The following CALN1 variants were observed in gnomAD, a reference collection of about 807,000 sequenced individuals.
CALN1 encodes calcium-binding protein 8.
A neutral mutation model predicts 30.6 loss-of-function variants in CALN1; 17 were observed. That is an observed-to-expected ratio of 0.56 (90% CI 0.38 to 0.83). The LOEUF (loss-of-function observed/expected upper bound fraction) is 0.83. Among genes scored for constraint, CALN1 ranks in the 40% least tolerant of loss-of-function variants. The pLI is 0.00. For synonymous variants in CALN1, 156 were observed against 131.4 expected (o/e 1.19, Z -1.28); for missense variants, 291 against 354.9 (o/e 0.82, Z 1.45).
intron 2 of CALN1, among the ~76,000 whole-genome samples, chr7:72,359,916 G>C (rs1488475929): frequency 7.7e-6 from 1 of 129,386 alleles, no homozygotes; most frequent in Non-Finnish European, 1.5e-5. Context: ...GGCGGAGCTT[G>C]CAGTGAGCCA....
At chr7:71,920,330 CTT>C (rs71092931) in intron 5 of CALN1, among the ~76,000 whole-genome samples, 7,104 of 98,304 alleles carry the variant, frequency 0.072, 187 homozygotes, top group East Asian at 0.33. Context: ...CAAATTAGTT[CTT>C]TTTTTTTTTT....
intron 2 of CALN1, among the ~76,000 whole-genome samples, chr7:72,369,712 A>C (rs962892690): frequency 2.0e-5 from 3 of 152,114 alleles, no homozygotes; most frequent in African/African-American, 7.2e-5. Context: ...CATTTCCTAG[A>C]AGTTTATAGA....
intron 1 of CALN1, among the ~76,000 whole-genome samples, chr7:72,405,838 A>T (rs911848526): frequency 6.6e-6 from 1 of 152,292 alleles, no homozygotes; most frequent in East Asian, 1.9e-4. Flanking sequence ...TTAGCTCCCC[A>T]TATGCAAAAA....
chr7:72,329,155 A>G (rs1050418763), intron 2 of CALN1, among the ~76,000 whole-genome samples: 1 of 152,248 alleles, frequency 6.6e-6, no homozygotes, highest in Non-Finnish European at 1.5e-5. Flanking sequence ...TTTTTAAACA[A>G]AACTGAAATC....
chr7:72,221,997 G>A (rs751874588), intron 3 of CALN1, among the ~76,000 whole-genome samples: 3 of 152,030 alleles, frequency 2.0e-5, no homozygotes, highest in African/African-American at 7.2e-5. Context: ...AGGCCAAGGC[G>A]GGCGGATCAT....
chr7:72,077,797 A>G (rs966398349), intron 4 of CALN1, among the ~76,000 whole-genome samples: 12 of 152,366 alleles, frequency 7.9e-5, no homozygotes, highest in African/African-American at 2.6e-4. Context: ...CAAGAGAGGC[A>G]GTCAGCAAAC....
intron 2 of CALN1, among the ~76,000 whole-genome samples, chr7:72,362,605 T>C (rs1803635248): frequency 6.6e-6 from 1 of 152,154 alleles, no homozygotes; most frequent in South Asian, 2.1e-4. Flanking sequence ...CAGAGGCCTC[T>C]CATCTCACAC....
intron 2 of CALN1, among the ~76,000 whole-genome samples, chr7:72,392,400 A>G (rs2129561483): frequency 6.6e-6 from 1 of 152,326 alleles, no homozygotes; most frequent in South Asian, 2.1e-4. Context: ...CTCAGAGACA[A>G]AAAGTTCAGG....
chr7:72,357,366 C>G (rs940503524), intron 2 of CALN1, among the ~76,000 whole-genome samples: 5 of 151,916 alleles, frequency 3.3e-5, no homozygotes, highest in African/African-American at 1.2e-4. Flanking sequence ...GGAGAGGCCT[C>G]GTGGGACCAG....
intron 3 of CALN1, among the ~76,000 whole-genome samples, chr7:72,226,093 CAAAA>C (rs35950469): frequency 8.9e-6 from 1 of 111,892 alleles, no homozygotes; most frequent in African/African-American, 3.5e-5. Flanking sequence ...AGACTCCACC[CAAAA>C]AAAAAAAAAA....
At chr7:72,488,212 T>G in the CALN1 span, among the ~76,000 whole-genome samples, 1 of 150,894 alleles carries the variant, frequency 6.6e-6, no homozygotes, top group Non-Finnish European at 1.5e-5. Flanking sequence ...CAAAAAAAAA[T>G]TTTTTTTAAT....
Position 72,054,446 on chromosome 7 carries a change from T to TATAC in CALN1, c.389-30678_389-30677insGTAT, listed in dbSNP as rs1491141581. 1.0e-3 allele frequency among the ~76,000 whole-genome samples: 48 copies of TATAC among 47,438 alleles called. 4 individuals are homozygous for TATAC. Among genetic ancestry groups the TATAC allele is most frequent in the South Asian group, 2.3e-3 (5 of 2,182 alleles). The allele number at this position is 47,438 out of a possible 152,430, so 31.1% of individuals were successfully genotyped here. On this transcript the variant is annotated intron_variant, in intron 4 of 6. Coordinates refer to ENST00000395275, the MANE Select transcript of CALN1 (RefSeq NM_031468.4). ...GTATATATACACGTATATATATATA[T>TATAC]ACATATATATACATATATATACATA...
rs558058671 is a variant in CALN1, at chr7:72,055,793, C to T, written c.389-32024G>A. On this transcript the variant is annotated intron_variant, in intron 4 of 6. Coordinates refer to ENST00000395275, the MANE Select transcript of CALN1 (RefSeq NM_031468.4). The stretch of plus-strand genomic sequence containing the variant: ...CTGGGGGGCTGAGGAGTGAGGATTG[C>T]TTGAGGCTAGAAGTTTGAAACCAGC... Among the ~76,000 whole-genome samples, 22 of 152,198 alleles carry T rather than the reference C, an allele frequency of 1.4e-4. No individual in the cohort carries two copies. In the East Asian group the frequency reaches 4.2e-3, roughly 29 times the overall value.
At chr7:71,932,143 C>CT in intron 5 of CALN1, among the ~76,000 whole-genome samples, 1 of 152,284 alleles carries the variant, frequency 6.6e-6, no homozygotes, top group East Asian at 1.9e-4. Context: ...TTCTGGGAAA[C>CT]TAAGACCTTC....
intron 3 of CALN1, among the ~76,000 whole-genome samples, chr7:72,244,857 G>A (rs1795059816): frequency 6.6e-6 from 1 of 152,084 alleles, no homozygotes; most frequent in South Asian, 2.1e-4. Context: ...CTCAACTTCA[G>A]AGAGAGAGGA....
chr7:72,078,428 C>T (rs1804896490), intron 4 of CALN1, among the ~76,000 whole-genome samples: 1 of 152,140 alleles, frequency 6.6e-6, no homozygotes, highest in Non-Finnish European at 1.5e-5. Context: ...GACTCGCAAG[C>T]TGTCCCTGGC....
chr7:72,181,230 T>C (rs2129546126), intron 3 of CALN1, among the ~76,000 whole-genome samples: 1 of 147,844 alleles, frequency 6.8e-6, no homozygotes, highest in East Asian at 2.0e-4. Context: ...ATATAATATA[T>C]AAAATATATA....
intron 4 of CALN1, among the ~76,000 whole-genome samples, chr7:72,043,557 C>G (rs999843299): frequency 6.6e-6 from 1 of 152,042 alleles, no homozygotes. Context: ...TTGCTTGAGG[C>G]CAGGAGTTTG....
chr7:72,352,640 A>C (rs552114051), intron 2 of CALN1, among the ~76,000 whole-genome samples: 1 of 152,284 alleles, frequency 6.6e-6, no homozygotes, highest in South Asian at 2.1e-4. Flanking sequence ...GATCAGCTAA[A>C]ACAGTGCTTA....
Sources: gnomAD v4.1 joint callset for allele counts (sites outside exome capture counted in the v4.1 genomes callset) on GRCh38, gnomAD v4.1.1 for gene constraint, MANE v1.5 for transcripts, NCBI Gene and HGNC (gene_info 2026-07-23, HGNC 2026-07-21) for gene names.